Variants in STK3 observed in about 807,000 individuals in gnomAD.
STK3 encodes the protein serine/threonine kinase 3.
A neutral mutation model predicts 58.0 loss-of-function variants in STK3; 41 were observed. The ratio of observed to expected loss-of-function variants is 0.71; its 90% CI spans 0.55 to 0.92. The LOEUF is 0.92. Among genes scored for constraint, STK3 ranks in the 40% least tolerant of loss-of-function variants. The pLI, the probability that STK3 is intolerant of heterozygous loss-of-function variation, is 0.00. For missense variants in STK3, 479 were observed against 602.7 expected, an observed-to-expected ratio of 0.79 and a Z score of 2.15; for synonymous variants, 170 against 191.0, an observed-to-expected ratio of 0.89 and a Z score of 0.91.
At chr8:98,529,441 T>C (rs1220856173) in intron 9 of STK3, among the ~76,000 whole-genome samples, 1 of 152,220 alleles carries the variant, frequency 6.6e-6, no homozygotes, top group Non-Finnish European at 1.5e-5. Flanking sequence ...TGGTGATATT[T>C]ATTCATCAAA....
intron 8 of STK3, among the ~76,000 whole-genome samples, chr8:98,575,877 C>T (rs1813356584): frequency 6.6e-6 from 1 of 152,108 alleles, no homozygotes; most frequent in African/African-American, 2.4e-5. Context: ...TTCTCTTATG[C>T]ACAAAAATGT....
At chr8:98,742,021 A>G (rs1209988405) in intron 4 of STK3, among the ~76,000 whole-genome samples, 2 of 152,288 alleles carry the variant, frequency 1.3e-5, no homozygotes, top group East Asian at 3.9e-4. Flanking sequence ...CCCTCCCAAG[A>G]CTAAACCAGG....
chr8:98,873,284 A>G (rs1193553940), intron 3 of STK3, among the ~76,000 whole-genome samples: 1 of 152,112 alleles, frequency 6.6e-6, no homozygotes, highest in East Asian at 1.9e-4. Flanking sequence ...TGGAATAAGT[A>G]TGATGTGGTG....
At chr8:98,726,894 A>C (rs1827832664) in intron 4 of STK3, among the ~76,000 whole-genome samples, 1 of 152,196 alleles carries the variant, frequency 6.6e-6, no homozygotes, top group African/African-American at 2.4e-5. Context: ...ATGTCACCAG[A>C]TGTATCTTCC....
intron 6 of STK3, among the ~76,000 whole-genome samples, chr8:98,698,081 C>G (rs1825157162): frequency 6.6e-6 from 1 of 152,168 alleles, no homozygotes; most frequent in African/African-American, 2.4e-5. Context: ...AGACAGTTAG[C>G]TCTTCTTGTT....
chr8:98,855,079 C>CAAA (rs1297133859), intron 3 of STK3, among the ~76,000 whole-genome samples: 4 of 152,192 alleles, frequency 2.6e-5, no homozygotes, highest in South Asian at 2.1e-4. Context: ...ACAACAACAA[C>CAAA]AACAAAATGT....
At chr8:98,416,144 C>T (rs998612374) in intron 3 of STK3, among the ~76,000 whole-genome samples, 1 of 152,222 alleles carries the variant, frequency 6.6e-6, no homozygotes, top group Non-Finnish European at 1.5e-5. Flanking sequence ...GATCACAGCT[C>T]ATTGCCCAGA....
intron 1 of STK3, among the ~76,000 whole-genome samples, chr8:98,933,770 T>A (rs72668460): frequency 6.6e-6 from 1 of 152,080 alleles, no homozygotes; most frequent in African/African-American, 2.4e-5. Flanking sequence ...CCAGGTGAGA[T>A]TGGGGAGCTC....
chr8:98,840,405 CTACAAAAAA>C (rs1321405328), intron 3 of STK3, among the ~76,000 whole-genome samples: 2 of 142,850 alleles, frequency 1.4e-5, no homozygotes, highest in Admixed American at 7.1e-5. Context: ...AACCCTTTCT[CTACAAAAAA>C]TACAAAAATT....
At chr8:98,586,979 C>T (rs1376365441) in intron 7 of STK3, among the ~76,000 whole-genome samples, 1 of 151,776 alleles carries the variant, frequency 6.6e-6, no homozygotes, top group African/African-American at 2.4e-5. Flanking sequence ...CTATTTGATT[C>T]TTCTCTCTTT....
downstream of STK3, chr8:98,401,352 C>T (rs1817942324): frequency 6.6e-6 from 1 of 152,236 alleles, no homozygotes; most frequent in African/African-American, 2.4e-5. Flanking sequence ...AGCCAACCCC[C>T]AGAACCTGGA....
At chr8:98,652,496 G>A (rs1339804546) in intron 6 of STK3, among the ~76,000 whole-genome samples, 1 of 150,768 alleles carries the variant, frequency 6.6e-6, no homozygotes, top group Non-Finnish European at 1.5e-5. Context: ...AACTTTAAAT[G>A]TAAATGGACT....
chr8:98,486,858 G>T (rs1482936224), intron 10 of STK3, among the ~76,000 whole-genome samples: 2 of 152,174 alleles, frequency 1.3e-5, no homozygotes, highest in Non-Finnish European at 2.9e-5. Flanking sequence ...AAGTTGAGTT[G>T]AGGTGGCTAC....
At chr8:98,916,232 T>C (rs1472776956) in intron 1 of STK3, among the ~76,000 whole-genome samples, 1 of 152,086 alleles carries the variant, frequency 6.6e-6, no homozygotes, top group Non-Finnish European at 1.5e-5. Flanking sequence ...CTAGCCAACA[T>C]GGTGAAACCC....
At chr8:98,400,989 T>C (rs1227583356), downstream of STK3, among the ~76,000 whole-genome samples, 1 of 152,084 alleles carries the variant, frequency 6.6e-6, no homozygotes, top group Non-Finnish European at 1.5e-5. Context: ...TGAATCTGGG[T>C]GGGCCTTTTG....
In STK3 at chr8:98,749,375, C is replaced by T; in HGVS notation, c.252G>A (p.Lys84=). The change falls in exon 4 of 11, where the codon AAG becomes AAA. Residue 84 remains lysine (K), a synonymous_variant. Coordinates refer to ENST00000419617, the MANE Select transcript of STK3 (RefSeq NM_006281.4). ...MQQCDSPYVV[K]YYGSYFKNTD... Reference sequence around the variant, plus strand: ...TATTCTTAAAATAACTGCCATAGTACTTTACAACATATGGGCTAAAGGAAA... The same window carrying T: ...TATTCTTAAAATAACTGCCATAGTATTTTACAACATATGGGCTAAAGGAAA... 1.3e-6 allele frequency: 2 copies of T among 1,578,118 alleles called. No individual in the cohort carries two copies. The highest frequency in any genetic ancestry group is 1.7e-6 in the Non-Finnish European group (2 of 1,158,804).
chr8:98,361,499 A>C, the STK3 span, among the ~76,000 whole-genome samples: 1 of 152,106 alleles, frequency 6.6e-6, no homozygotes, highest in East Asian at 1.9e-4. Flanking sequence ...TAATAATTTC[A>C]TGGTTGTTGA....
intron 1 of STK3, among the ~76,000 whole-genome samples, chr8:98,903,556 C>CTTCTTCTTCTTCTTCTTCTTCTT (rs200556218): frequency 2.0e-5 from 1 of 50,502 alleles, no homozygotes; most frequent in Non-Finnish European, 4.1e-5. Flanking sequence ...TCTTCTTCTT[C>CTTCTTCTTCTTCTTCTTCTTCTT]CTTTTTTTTT....
At chr8:98,808,709 C>T (rs1236339599) in intron 1 of STK3, among the ~76,000 whole-genome samples, 1 of 152,200 alleles carries the variant, frequency 6.6e-6, no homozygotes, top group East Asian at 1.9e-4. Context: ...TGGCACACTG[C>T]CCCTAAAACC....
Sources: allele counts gnomAD v4.1 joint callset (sites outside exome capture counted in the v4.1 genomes callset), GRCh38; gene constraint gnomAD v4.1.1; transcripts MANE v1.5; gene names NCBI Gene and HGNC (gene_info 2026-07-23, HGNC 2026-07-21).